Variants in RRN3 observed in about 807,000 individuals in gnomAD.
RRN3 encodes RNA polymerase I-specific transcription initiation factor RRN3.
Under a neutral mutation model 82.3 loss-of-function variants are expected in RRN3, and 38 were observed. The observed-to-expected ratio is 0.46, with a 90% confidence interval of 0.36 to 0.61. The LOEUF (loss-of-function observed/expected upper bound fraction) is 0.61. RRN3 is among the 20% of genes least tolerant of loss of function. The pLI, the probability that RRN3 is intolerant of heterozygous loss-of-function variation, is 0.00. For missense variants in RRN3, 726 were observed against 793.1 expected (o/e 0.92, Z 1.02); for synonymous variants, 284 against 284.3 (o/e 1.00, Z 0.01).
At chr16:15,079,250 A>G (rs1300172576) in intron 9 of RRN3, among the ~76,000 whole-genome samples, 2 of 152,130 alleles carry the variant, frequency 1.3e-5, no homozygotes, top group East Asian at 1.9e-4. Flanking sequence ...CTTTCCTGAC[A>G]ATGTCACTAG....
At chr16:15,084,531 A>C in intron 7 of RRN3, 111 bp downstream of exon 7, 3 of 712,954 alleles carry the variant, frequency 4.2e-6, no homozygotes, top group Non-Finnish European at 6.9e-6. Flanking sequence ...TACAAAAAAA[A>C]CATGCAATGT....
rs111343819 is a variant in RRN3, at chr16:15,061,352, C to G, written c.*392G>C. The G allele has an allele frequency of 0.013, 2,398 of 191,014 alleles. 16 individuals carry two copies. Among genetic ancestry groups the G allele is most frequent in the Middle Eastern group, 0.038 (19 of 504 alleles). The allele number at this position is 191,014 out of a possible 1,614,324, so 11.8% of individuals were successfully genotyped here. A position where few individuals can be genotyped will look rare whatever the true frequency, so the allele number is the denominator to read the frequency against. ...TCACTGAAAGCTCATCAGTCAAGTC[C>G]TAAGACCATGGATCTGACAAAAACC... On this transcript the variant is annotated 3_prime_UTR_variant, in exon 18 of 18. Transcript: ENST00000198767.
intron 9 of RRN3, among the ~76,000 whole-genome samples, chr16:15,077,862 CTT>C (rs923190508): frequency 3.9e-5 from 6 of 152,050 alleles, no homozygotes; most frequent in African/African-American, 9.7e-5. Flanking sequence ...AAAAACATCT[CTT>C]TTTCTTCCCA....
At chr16:15,069,199 AG>A (rs1394475755) in intron 14 of RRN3, among the ~76,000 whole-genome samples, 2 of 151,956 alleles carry the variant, frequency 1.3e-5, no homozygotes, top group African/African-American at 2.4e-5. Context: ...CAGTATCTGG[AG>A]ACACTTTTAG....
At chr16:15,079,299 C>T (rs1174366326) in intron 9 of RRN3, among the ~76,000 whole-genome samples, 2 of 152,168 alleles carry the variant, frequency 1.3e-5, no homozygotes, top group African/African-American at 2.4e-5. Flanking sequence ...CACCTTAGTG[C>T]GGGCCTCCTT....
intron 11 of RRN3, 156 bp downstream of exon 11, chr16:15,074,567 G>A (rs2045372175): frequency 6.5e-6 from 3 of 461,118 alleles, no homozygotes; most frequent in African/African-American, 2.0e-5. Context: ...CTATGTGACT[G>A]GCAAGTAACT....
chr16:15,067,799 C>T (rs923247394), intron 15 of RRN3, among the ~76,000 whole-genome samples: 1 of 152,008 alleles, frequency 6.6e-6, no homozygotes, highest in Non-Finnish European at 1.5e-5. Context: ...ATTCTGGAGC[C>T]CAGACTGGAG....
rs142235345 is a variant in RRN3, at chr16:15,089,786, C to CAAAAAA, written c.252+1523_252+1528dup. ...CTGCACTCCAGCCTGGGCGACAGAG[C>CAAAAAA]AAAAAAAAAAAAAAAAAAAAAAAAA... On this transcript the variant is annotated intron_variant, in intron 3 of 17. Coordinates refer to ENST00000198767, the MANE Select transcript of RRN3 (RefSeq NM_018427.5). Among the ~76,000 whole-genome samples the CAAAAAA allele has an allele frequency of 5.7e-4, 38 of 66,576 alleles. 1 individual carries two copies. The highest frequency in any genetic ancestry group is 7.3e-4 in the Non-Finnish European group (29 of 39,912). The allele number at this position is 66,576 out of a possible 152,430, so 43.7% of individuals were successfully genotyped here. A position where few individuals can be genotyped will look rare whatever the true frequency, so the allele number is the denominator to read the frequency against.
At chr16:15,074,983 C>A (rs2045389776) in intron 10 of RRN3, 122 bp from the exon 11 acceptor site, 2 of 1,022,116 alleles carry the variant, frequency 2.0e-6, no homozygotes, top group Non-Finnish European at 2.8e-6. Context: ...GGGAAAGCGG[C>A]TCACATCTAT....
At chr16:15,069,422 CTT>C (rs1461483641) in intron 14 of RRN3, among the ~76,000 whole-genome samples, 1 of 152,196 alleles carries the variant, frequency 6.6e-6, no homozygotes, top group Non-Finnish European at 1.5e-5. Context: ...TTTACAATGA[CTT>C]ATAAACACTG....
In RRN3 at chr16:15,073,189, A is replaced by T. The variant is rs371072386; in HGVS notation, c.998-109T>A. 1.5e-4 allele frequency: 193 copies of T among 1,262,292 alleles called. No individual in the cohort carries two copies. In the East Asian group the frequency reaches 3.4e-3, roughly 22 times the overall value. 78.2% of individuals were successfully genotyped at this position (1,262,292 alleles called of 1,614,324 possible). On this transcript the variant is annotated intron_variant, in intron 11 of 17. Coordinates refer to ENST00000198767, the MANE Select transcript of RRN3 (RefSeq NM_018427.5). ...ATTAAAAAACAACATTATCCAGCCA[A>T]GCACAGTGGCTCCTGCCTGCAATCC...
chr16:15,064,320 C>T lies in RRN3; in HGVS notation c.1706+899G>A, dbSNP rs188286964. Among the ~76,000 whole-genome samples the T allele has an allele frequency of 1.6e-3, 248 of 152,228 alleles. 2 individuals are homozygous for T. The highest frequency in any genetic ancestry group is 3.3e-3 in the Admixed American group (50 of 15,288). The stretch of plus-strand genomic sequence containing the variant: ...CCTCCCGAGTAGCTGGAATTACAGG[C>T]GCCACCACCACACCCAGCTAATTTT... On this transcript the variant is annotated intron_variant, in intron 16 of 17. Transcript: ENST00000198767.
chr16:15,072,708 G>A (rs558237785), intron 12 of RRN3, among the ~76,000 whole-genome samples: 2 of 152,208 alleles, frequency 1.3e-5, no homozygotes, highest in East Asian at 1.9e-4. Flanking sequence ...AGGACTGAGA[G>A]TCCGTTGAGC....
Position 15,060,567 on chromosome 16 carries a change from A to C in RRN3, c.*1177T>G, listed in dbSNP as rs1331861105. The C allele has an allele frequency of 1.3e-5, 2 of 153,876 alleles. No individual in the cohort carries two copies. The highest frequency in any genetic ancestry group is 2.9e-5 in the Non-Finnish European group (2 of 69,112). 9.5% of individuals were successfully genotyped at this position (153,876 alleles called of 1,614,324 possible). On this transcript the variant is annotated 3_prime_UTR_variant, in exon 18 of 18. Coordinates refer to ENST00000198767, the MANE Select transcript of RRN3 (RefSeq NM_018427.5). ...GATGGCCATTTTCACAAGTAAACAAAAAAGTACACATGTAAGAAACAAAGT... is the reference window on the plus strand; with the variant it reads ...GATGGCCATTTTCACAAGTAAACAACAAAGTACACATGTAAGAAACAAAGT...
At chr16:15,094,071 T>G (rs1440609577) in intron 1 of RRN3, 74 bp downstream of exon 1, 24 of 1,353,646 alleles carry the variant, frequency 1.8e-5, no homozygotes, top group Non-Finnish European at 2.5e-5. Context: ...TCCCACATCC[T>G]TTCAATCCGC....
rs766189581 is a variant in RRN3, at chr16:15,080,116, A to C, written c.667-20T>G. 1.2e-5 allele frequency: 19 copies of C among 1,586,848 alleles called. No homozygotes were observed. The highest frequency in any genetic ancestry group is 1.5e-5 in the Non-Finnish European group (17 of 1,167,782). On this transcript the variant is annotated intron_variant, in intron 8 of 17. Coordinates refer to ENST00000198767, the MANE Select transcript of RRN3 (RefSeq NM_018427.5). ...ACATTCCTAAAGGAGAAAATGTAAG[A>C]TAAAACATTTCAACAGAGAATAAAC... is the stretch of plus-strand genomic sequence containing the variant.
chr16:15,072,317 T>C (rs1020692406), intron 12 of RRN3, among the ~76,000 whole-genome samples: 8 of 151,284 alleles, frequency 5.3e-5, no homozygotes, highest in African/African-American at 1.9e-4. Flanking sequence ...GATTAATAAG[T>C]TGGTTTGGGC....
At chr16:15,066,904 T>C (rs2045004430) in intron 15 of RRN3, among the ~76,000 whole-genome samples, 1 of 152,054 alleles carries the variant, frequency 6.6e-6, no homozygotes, top group African/African-American at 2.4e-5. Flanking sequence ...CCAATGCGCA[T>C]GCCAACCCCA....
chr16:15,075,842 T>C (rs898531817), intron 10 of RRN3, among the ~76,000 whole-genome samples: 1 of 152,136 alleles, frequency 6.6e-6, no homozygotes, highest in Non-Finnish European at 1.5e-5. Flanking sequence ...ACCTCCCCAC[T>C]GCTGTGAGTA....
Sources: allele counts gnomAD v4.1 joint callset (sites outside exome capture counted in the v4.1 genomes callset), GRCh38; gene constraint gnomAD v4.1.1; transcripts MANE v1.5; gene names NCBI Gene and HGNC (gene_info 2026-07-23, HGNC 2026-07-21).